RAPGEF4: variants seen among roughly 807,000 people sequenced by gnomAD.
RAPGEF4 encodes Rap guanine nucleotide exchange factor 4.
A neutral mutation model predicts 147.9 loss-of-function variants in RAPGEF4; 66 were observed. That is an observed-to-expected ratio of 0.45 (90% CI 0.37 to 0.55). The LOEUF is 0.55. RAPGEF4 is among the 20% of genes least tolerant of loss of function. The pLI is 0.00. For missense variants in RAPGEF4, 1,071 were observed against 1,257.3 expected, an observed-to-expected ratio of 0.85 and a Z score of 2.24; for synonymous variants, 419 against 442.7, an observed-to-expected ratio of 0.95 and a Z score of 0.67.
intron 12 of RAPGEF4, among the ~76,000 whole-genome samples, chr2:172,987,861 C>A (rs1472918540): frequency 6.6e-6 from 1 of 152,130 alleles, no homozygotes; most frequent in African/African-American, 2.4e-5. Context: ...CATTACTTGT[C>A]AGATTACATT....
At position 172,783,272 on chromosome 2, in the gene RAPGEF4, A is replaced by G. The variant is rs572556897; in HGVS notation, c.66-11753A>G. Among the ~76,000 whole-genome samples, 6 of 152,196 alleles carry G rather than the reference A, an allele frequency of 3.9e-5. No homozygotes were observed. In the South Asian group the frequency reaches 1.2e-3, roughly 32 times the overall value. ...GAGGTGGAAGTATTTGGACCTTTTT[A>G]TTGCTTTGCTTAAGGGCAAAATTGT... On this transcript the variant is annotated intron_variant, in intron 1 of 30. Transcript: ENST00000397081.
intron 30 of RAPGEF4, among the ~76,000 whole-genome samples, chr2:173,051,155 A>G (rs533350443): frequency 1.2e-4 from 18 of 152,210 alleles, no homozygotes; most frequent in Non-Finnish European, 2.5e-4. Context: ...ACTGTGTGCA[A>G]GTAAAGAGGG....
At chr2:172,893,427 T>C (rs755899035) in intron 4 of RAPGEF4, among the ~76,000 whole-genome samples, 4 of 152,192 alleles carry the variant, frequency 2.6e-5, no homozygotes, top group Non-Finnish European at 5.9e-5. Flanking sequence ...TGAAACATCA[T>C]GGGCACAGTA....
intron 4 of RAPGEF4, among the ~76,000 whole-genome samples, chr2:172,833,864 C>T (rs1281706971): frequency 6.6e-6 from 1 of 152,170 alleles, no homozygotes; most frequent in Non-Finnish European, 1.5e-5. Context: ...TCCCTAAGGA[C>T]ATACAGTATC....
Position 173,030,153 on chromosome 2 carries a change from C to T in RAPGEF4, c.2559-11C>T, listed in dbSNP as rs1559198230. ...AACATTTTACTCAAACACGCATCTC[C>T]TGTGTTTCAGCTGTAAGGAGTATAA... On this transcript the variant is annotated splice_polypyrimidine_tract_variant and intron_variant, in intron 25 of 30. Transcript: ENST00000397081. The T allele has an allele frequency of 1.1e-5, 18 of 1,580,480 alleles. No individual in the cohort carries two copies. Among genetic ancestry groups the T allele is most frequent in the Admixed American group, 1.7e-5 (1 of 59,886 alleles).
At chr2:172,737,165 G>C (rs1400326444) in intron 1 of RAPGEF4, among the ~76,000 whole-genome samples, 2 of 152,136 alleles carry the variant, frequency 1.3e-5, no homozygotes, top group African/African-American at 2.4e-5. Context: ...AAATAATCTT[G>C]ACTTTCAATT....
intron 4 of RAPGEF4, among the ~76,000 whole-genome samples, chr2:172,914,319 ATTTTTTTTTTTTTTTTTT>A (rs573065663): frequency 6.4e-5 from 4 of 62,412 alleles, no homozygotes; most frequent in East Asian, 5.2e-4. Flanking sequence ...GGAAATATGC[ATTTTTTTTTTTTTTTTTT>A]TTTTTTTTTT....
intron 12 of RAPGEF4, among the ~76,000 whole-genome samples, chr2:172,987,446 T>C (rs1406661361): frequency 2.0e-5 from 3 of 152,228 alleles, no homozygotes; most frequent in Non-Finnish European, 4.4e-5. Context: ...TTTTTAAAAA[T>C]ACAGTCAGTC....
At chr2:172,924,987 G>A (rs985021053) in intron 6 of RAPGEF4, among the ~76,000 whole-genome samples, 1 of 151,956 alleles carries the variant, frequency 6.6e-6, no homozygotes, top group South Asian at 2.1e-4. Context: ...TCATTCTGTT[G>A]CCCAGGCTGG....
At chr2:172,785,122 G>A (rs1184613012) in intron 1 of RAPGEF4, among the ~76,000 whole-genome samples, 1 of 152,228 alleles carries the variant, frequency 6.6e-6, no homozygotes, top group African/African-American at 2.4e-5. Context: ...ACTGTTCCCA[G>A]CCAAAATGGA....
At position 172,822,010 on chromosome 2, in the gene RAPGEF4, G is replaced by T. The variant is rs750912583; in HGVS notation, c.444+7585G>T. ...GAATCTTTTTATTTTTTAGTGAAGG[G>T]TGGGAGAGTGGGGAAATACTACATG... On this transcript the variant is annotated intron_variant, in intron 4 of 30. Coordinates refer to ENST00000397081, the MANE Select transcript of RAPGEF4 (RefSeq NM_007023.4). 1.1e-5 allele frequency: 18 copies of T among 1,606,486 alleles called. No individual in the cohort carries two copies. In the African/African-American group the frequency reaches 2.3e-4, roughly 20 times the overall value.
intron 4 of RAPGEF4, chr2:172,889,724 C>A: frequency 1.8e-6 from 1 of 547,326 alleles, no homozygotes; most frequent in Non-Finnish European, 2.3e-6. Context: ...CATCACTAAT[C>A]TGATTTGTTA....
chr2:172,823,517 C>G (rs556165237), intron 4 of RAPGEF4, among the ~76,000 whole-genome samples: 1 of 152,134 alleles, frequency 6.6e-6, no homozygotes, highest in Non-Finnish European at 1.5e-5. Context: ...AGAAGGAACT[C>G]GTGGTGAGGA....
At chr2:172,899,274 A>G (rs1698829008) in intron 4 of RAPGEF4, among the ~76,000 whole-genome samples, 1 of 152,232 alleles carries the variant, frequency 6.6e-6, no homozygotes, top group Admixed American at 6.5e-5. Context: ...AGCCCAGTGT[A>G]GCTATTTTCT....
chr2:172,912,859 G>A (rs966360267), intron 4 of RAPGEF4, among the ~76,000 whole-genome samples: 1 of 149,990 alleles, frequency 6.7e-6, no homozygotes, highest in African/African-American at 2.5e-5. Context: ...GTGAGTGTGA[G>A]TGTCTTCCAT....
At position 173,026,999 on chromosome 2, in the gene RAPGEF4, A is replaced by C. The variant is rs948332072; in HGVS notation, c.2380-82A>C. 4.9e-5 allele frequency: 63 copies of C among 1,292,472 alleles called. No homozygotes were observed. The African/African-American group carries it at 8.8e-4, about 18-fold the overall frequency. The allele number at this position is 1,292,472 out of a possible 1,614,324, so 80.1% of individuals were successfully genotyped here. A position where few individuals can be genotyped will look rare whatever the true frequency, so the allele number is the denominator to read the frequency against. On this transcript the variant is annotated intron_variant, in intron 24 of 30. Transcript: ENST00000397081. ...GACTTCACATTTGCTGACCAGTAAA[A>C]CACTGTCTTGACAAATAGAGAAACC...
chr2:172,998,112 G>T (rs555474767), intron 16 of RAPGEF4, among the ~76,000 whole-genome samples: 1 of 152,286 alleles, frequency 6.6e-6, no homozygotes, highest in Non-Finnish European at 1.5e-5. Flanking sequence ...CTTATAATCT[G>T]TTAGAAGACA....
In RAPGEF4 at chr2:173,014,019, C is replaced by T. The variant is rs536722784; in HGVS notation, c.1659-445C>T. 8.5e-5 allele frequency among the ~76,000 whole-genome samples: 13 copies of T among 152,190 alleles called. No homozygotes were observed. The South Asian group carries it at 1.9e-3, about 22-fold the overall frequency. On this transcript the variant is annotated intron_variant, in intron 17 of 30. Coordinates refer to ENST00000397081, the MANE Select transcript of RAPGEF4 (RefSeq NM_007023.4). ...AGGACTAGATGCCCTGCTGGGCATT[C>T]AGTTTTACTGAAATGCATGTAACAA... is the stretch of plus-strand genomic sequence containing the variant.
chr2:172,894,766 G>A (rs1057118282), intron 4 of RAPGEF4, among the ~76,000 whole-genome samples: 4 of 152,082 alleles, frequency 2.6e-5, no homozygotes, highest in African/African-American at 9.7e-5. Flanking sequence ...GAAACTCAAA[G>A]GAATGGTATC....
Sources: allele counts gnomAD v4.1 joint callset (sites outside exome capture counted in the v4.1 genomes callset), GRCh38; gene constraint gnomAD v4.1.1; transcripts MANE v1.5; gene names NCBI Gene and HGNC (gene_info 2026-07-23, HGNC 2026-07-21).